TKTL1: variants seen among roughly 807,000 people sequenced by gnomAD.
The protein encoded by TKTL1 is transketolase-like protein 1.
A neutral mutation model predicts 39.3 loss-of-function variants in TKTL1; 1 was observed. The observed-to-expected ratio is 0.03, with a 90% CI of 0.01 to 0.12. The LOEUF (loss-of-function observed/expected upper bound fraction) is 0.12. TKTL1 is among the 10% of genes least tolerant of loss of function. The probability of loss-of-function intolerance (pLI) is 1.00; values close to 1 mark genes in which losing one functional copy is unlikely to be tolerated. For missense variants in TKTL1, 575 were observed against 509.6 expected, an observed-to-expected ratio of 1.13 and a Z score of -1.24; for synonymous variants, 262 against 193.8, an observed-to-expected ratio of 1.35 and a Z score of -2.92.
At chrX:154,312,471 T>C in intron 5 of TKTL1, 109 bp from the exon 6 acceptor site, 1 of 794,707 alleles carries the variant, frequency 1.3e-6, no homozygotes, top group South Asian at 3.0e-5. Context: ...GTGTTCCTCC[T>C]GTGAGTCCTA....
intron 7 of TKTL1, among the ~76,000 whole-genome samples, chrX:154,317,669 G>A (rs1557169630): frequency 8.9e-6 from 1 of 112,980 alleles, no homozygotes; most frequent in Non-Finnish European, 1.9e-5. Context: ...GGGAGGAGAA[G>A]GAGAGGGTGA....
chrX:154,329,444 G>T, intron 12 of TKTL1, 72 bp from the exon 13 acceptor site: 1 of 1,048,143 alleles, frequency 9.5e-7, no homozygotes, highest in Non-Finnish European at 1.3e-6. Context: ...AGATTCAAAG[G>T]CCTCTATGTG....
chrX:154,306,632 CATCTTTTTTTG>C (rs1277246100), intron 2 of TKTL1, among the ~76,000 whole-genome samples: 8 of 111,038 alleles, frequency 7.2e-5, no homozygotes, highest in Non-Finnish European at 1.1e-4. Context: ...ACTTTTTTTA[CATCTTTTTTTG>C]TTCTTTTTTT....
chrX:154,325,425 A>G lies in TKTL1; in HGVS notation c.1401+3A>G. On this transcript the variant is annotated splice_donor_region_variant and intron_variant, in intron 10 of 12. Transcript: ENST00000369915. ...GCTTTGAGATCGGACAGGCCAAGGT[A>G]AGGGCTTACGCGCTCCTGCGTTATT... is the stretch of plus-strand genomic sequence containing the variant. The G allele has an allele frequency of 8.3e-7, 1 of 1,199,772 alleles. No homozygotes were observed. Among genetic ancestry groups the G allele is most frequent in the South Asian group, 1.8e-5 (1 of 56,586 alleles).
At chrX:154,297,249 TTTG>T (rs1273864308) in intron 1 of TKTL1, among the ~76,000 whole-genome samples, 1 of 110,787 alleles carries the variant, frequency 9.0e-6, no homozygotes, top group African/African-American at 3.3e-5. Flanking sequence ...ACAGGTTTTT[TTTG>T]TTTTTTTTTT....
At chrX:154,328,815 C>G (rs1557172569) in intron 12 of TKTL1, among the ~76,000 whole-genome samples, 1 of 110,732 alleles carries the variant, frequency 9.0e-6, no homozygotes, top group Non-Finnish European at 1.9e-5. Flanking sequence ...CAGTTGCTCT[C>G]ACACCTGAGG....
rs782479550 is a variant in TKTL1 at position 154,323,202 on chromosome X, C to T, written c.1187-5C>T. The T allele has an allele frequency of 4.1e-6, 5 of 1,209,913 alleles. No homozygotes were observed. Among genetic ancestry groups the T allele is most frequent in the Non-Finnish European group, 5.6e-6 (5 of 894,829 alleles). ...CCTGTTTTCATCGGGCTCTGGTTCT[C>T]TCAGGTGACGATGGTGCTTCCCAGA... On this transcript the variant is annotated splice_region_variant and splice_polypyrimidine_tract_variant and intron_variant, in intron 8 of 12. Coordinates refer to ENST00000369915, the MANE Select transcript of TKTL1 (RefSeq NM_012253.4).
At chrX:154,313,739 C>T (rs782777147) in intron 6 of TKTL1, among the ~76,000 whole-genome samples, 1 of 110,527 alleles carries the variant, frequency 9.0e-6, no homozygotes, top group Non-Finnish European at 1.9e-5. Context: ...GAGTTCAACA[C>T]TAGCCTGGGC....
Position 154,295,820 on chromosome X carries a change from A to G in TKTL1, c.-40A>G, listed in dbSNP as rs782413733. 2.3e-5 allele frequency: 28 copies of G among 1,196,541 alleles called. No individual in the cohort carries two copies. The highest frequency in any genetic ancestry group is 3.0e-5 in the Non-Finnish European group (27 of 886,847). ...GCCATTCGCTCTTCAGACGCCGGAG[A>G]CGTAGGAGTGGGTCTTCAGACTCCA... On this transcript the variant is annotated 5_prime_UTR_variant, in exon 1 of 13. Coordinates refer to ENST00000369915, the MANE Select transcript of TKTL1 (RefSeq NM_012253.4).
At chrX:154,322,968 C>G (rs1343661213) in intron 8 of TKTL1, among the ~76,000 whole-genome samples, 1 of 112,168 alleles carries the variant, frequency 8.9e-6, no homozygotes, top group Non-Finnish European at 1.9e-5. Context: ...GAAAAGTCAG[C>G]TGAGACTTTT....
intron 12 of TKTL1, 64 bp from the exon 13 acceptor site, chrX:154,329,450 ATG>A (rs2067520000): frequency 3.6e-6 from 4 of 1,098,279 alleles, no homozygotes; most frequent in Non-Finnish European, 3.7e-6. Flanking sequence ...AAAGGCCTCT[ATG>A]TGGTGAGGCT....
chrX:154,311,244 C>A lies in TKTL1; in HGVS notation c.670+6C>A, dbSNP rs1557168303. ...CAAGGGCCGGGGCACCCCAAGTAAG[C>A]AAGCACTTTCCTCCTGCTCCTGGTT... On this transcript the variant is annotated splice_donor_region_variant and intron_variant, in intron 5 of 12. Transcript: ENST00000369915. 8.3e-7 allele frequency: 1 copy of A among 1,211,314 alleles called. No individual in the cohort carries two copies. Among genetic ancestry groups the A allele is most frequent in the South Asian group, 1.8e-5 (1 of 56,994 alleles).
At chrX:154,298,097 C>T (rs1421765420) in intron 1 of TKTL1, among the ~76,000 whole-genome samples, 1 of 111,462 alleles carries the variant, frequency 9.0e-6, no homozygotes, top group Non-Finnish European at 1.9e-5. Context: ...CTTTCTGTTT[C>T]TAGGAATTTA....
rs1342626329 is a variant in TKTL1, at chrX:154,330,135, A to G, written c.*447A>G. The G allele has an allele frequency of 3.5e-5, 4 of 114,210 alleles. No individual in the cohort carries two copies. The highest frequency in any genetic ancestry group is 9.7e-5 in the African/African-American group (3 of 30,875). The allele number at this position is 114,210 out of a possible 1,213,427, so 9.4% of individuals were successfully genotyped here. A position where few individuals can be genotyped will look rare whatever the true frequency, so the allele number is the denominator to read the frequency against. On this transcript the variant is annotated 3_prime_UTR_variant, in exon 13 of 13. Transcript: ENST00000369915. ...CTAGTTTCCACAGCACGATAACACC[A>G]TGACGCCTACTGCTGTTCCCACCTT...
intron 1 of TKTL1, among the ~76,000 whole-genome samples, chrX:154,297,008 C>T (rs2067235000): frequency 8.9e-6 from 1 of 111,834 alleles, no homozygotes; most frequent in Admixed American, 9.5e-5. Flanking sequence ...AAAAGTTAAA[C>T]CCAGCTGAGG....
intron 2 of TKTL1, among the ~76,000 whole-genome samples, chrX:154,307,350 A>G (rs1395459815): frequency 8.9e-6 from 1 of 112,460 alleles, no homozygotes; most frequent in Non-Finnish European, 1.9e-5. Flanking sequence ...TGTGTTCATC[A>G]GATTTAGCTG....
intron 1 of TKTL1, 109 bp downstream of exon 1, chrX:154,296,102 T>C (rs1281267236): frequency 9.8e-7 from 1 of 1,024,139 alleles, no homozygotes; most frequent in Admixed American, 2.6e-5. Flanking sequence ...AGAGGCACAA[T>C]GGGCTGTGTC....
chrX:154,316,681 C>CT (rs2051570764), intron 7 of TKTL1, among the ~76,000 whole-genome samples: 1 of 111,555 alleles, frequency 9.0e-6, no homozygotes, highest in East Asian at 2.8e-4. Flanking sequence ...AACAGCACCC[C>CT]TGTTGAGATG....
chrX:154,297,206 T>G (rs1557164808), intron 1 of TKTL1, among the ~76,000 whole-genome samples: 1 of 111,885 alleles, frequency 8.9e-6, no homozygotes, highest in Non-Finnish European at 1.9e-5. Flanking sequence ...ATGCGGTTGA[T>G]GGTTTTTGCA....
Sources: gnomAD v4.1 joint callset for allele counts (sites outside exome capture counted in the v4.1 genomes callset) on GRCh38, gnomAD v4.1.1 for gene constraint, MANE v1.5 for transcripts, NCBI Gene and HGNC (gene_info 2026-07-23, HGNC 2026-07-21) for gene names.